RIMS2: variants seen among roughly 807,000 people sequenced by gnomAD.
The protein encoded by RIMS2 is regulating synaptic membrane exocytosis 2.
RIMS2 carries 59 observed loss-of-function variants against 174.4 expected under a neutral mutation model. That is an observed-to-expected ratio of 0.34 (90% confidence interval 0.27 to 0.42). RIMS2 has a LOEUF of 0.42. Ranked by LOEUF, RIMS2 falls within the 10% of genes least tolerant of loss-of-function variation. RIMS2 has a pLI of 1.00. For missense variants in RIMS2, 1,620 were observed against 1,666.3 expected (o/e 0.97, Z 0.48); for synonymous variants, 606 against 572.5 (o/e 1.06, Z -0.84).
At chr8:103,985,086 A>G (rs2094239657) in intron 16 of RIMS2, among the ~76,000 whole-genome samples, 1 of 152,214 alleles carries the variant, frequency 6.6e-6, no homozygotes, top group South Asian at 2.1e-4. Context: ...TAACGGGTAC[A>G]AATAATAGAA....
chr8:103,510,470 C>G (rs1303910649), intron 1 of RIMS2, among the ~76,000 whole-genome samples: 1 of 152,112 alleles, frequency 6.6e-6, no homozygotes, highest in African/African-American at 2.4e-5. Context: ...GCATTTCTTT[C>G]TAGAAACTAA....
At chr8:103,538,602 C>T (rs775436096) in intron 1 of RIMS2, among the ~76,000 whole-genome samples, 5 of 152,014 alleles carry the variant, frequency 3.3e-5, no homozygotes, top group African/African-American at 4.8e-5. Flanking sequence ...GTGCAAGCTC[C>T]GCCTCCTGGG....
At chr8:104,041,248 C>T in intron 19 of RIMS2, 78 bp from the exon 22 acceptor site, 2 of 551,940 alleles carry the variant, frequency 3.6e-6, no homozygotes, top group Non-Finnish European at 3.3e-6. Flanking sequence ...CCATCAGTGT[C>T]ACTTTTTACC....
chr8:103,553,625 C>T lies in RIMS2; in HGVS notation c.176+52563C>T, dbSNP rs575326419. ...AAATAATAATAAAATGGCCATACTG[C>T]CCAAAGCAATTTACAGATTCAGTGC... is the stretch of plus-strand genomic sequence containing the variant. On this transcript the variant is annotated intron_variant, in intron 1 of 23. Coordinates refer to ENST00000504942, the Ensembl canonical transcript of RIMS2. Among the ~76,000 whole-genome samples, 33 of 151,930 alleles carry T rather than the reference C, an allele frequency of 2.2e-4. No individual in the cohort carries two copies. In the South Asian group the frequency reaches 6.2e-3, roughly 29 times the overall value.
rs147074412 is a variant in RIMS2, at chr8:103,516,870, C to G, written c.176+15808C>G. Among the ~76,000 whole-genome samples the G allele has an allele frequency of 7.0e-3, 1,060 of 152,262 alleles. 3 individuals carry two copies. The highest frequency in any genetic ancestry group is 0.012 in the Non-Finnish European group (834 of 68,016). The stretch of plus-strand genomic sequence containing the variant: ...TCTACAAAGCCATATACACTCTACT[C>G]TCTAAAAGAATTTAAAAAATGGATA... On this transcript the variant is annotated intron_variant, in intron 1 of 23. Coordinates refer to ENST00000504942, the Ensembl canonical transcript of RIMS2.
intron 1 of RIMS2, among the ~76,000 whole-genome samples, chr8:103,571,417 A>G (rs534118456): frequency 1.3e-5 from 2 of 152,204 alleles, no homozygotes; most frequent in Admixed American, 6.5e-5. Flanking sequence ...ATGTTAATGG[A>G]GATGGAATAT....
At chr8:103,720,163 T>C (rs1439757077) in intron 2 of RIMS2, among the ~76,000 whole-genome samples, 1 of 152,184 alleles carries the variant, frequency 6.6e-6, no homozygotes, top group Non-Finnish European at 1.5e-5. Flanking sequence ...GCAGCTATGA[T>C]GTTCAGAGGA....
intron 1 of RIMS2, among the ~76,000 whole-genome samples, chr8:103,547,936 A>G (rs1024069356): frequency 1.3e-5 from 2 of 152,162 alleles, no homozygotes; most frequent in Non-Finnish European, 2.9e-5. Flanking sequence ...TTCTGGAAAC[A>G]TACCACCTGC....
At position 103,829,757 on chromosome 8, in the gene RIMS2, T is replaced by A. The variant is rs115334713; in HGVS notation, c.699-55541T>A. 6.2e-3 allele frequency among the ~76,000 whole-genome samples: 951 copies of A among 152,268 alleles called. 14 individuals are homozygous for A. The highest frequency in any genetic ancestry group is 0.022 in the African/African-American group (900 of 41,560). On this transcript the variant is annotated intron_variant, in intron 3 of 23. Coordinates refer to ENST00000504942, the Ensembl canonical transcript of RIMS2. ...CATGGAAAAACTACCTATCAGGTAC[T>A]ATGCTCATTACATGGGTGATGAAAT...
At position 104,221,619 on chromosome 8, in the gene RIMS2, G is replaced by A. The variant is rs182701187; in HGVS notation, c.3335-23297G>A. On this transcript the variant is annotated intron_variant, in intron 19 of 23. Transcript: ENST00000504942. ...ACGAAAAGAAAATTGGACTAACAGA[G>A]TTGTAGGGACATTAATGAGAAAGGA... Among the ~76,000 whole-genome samples the A allele has an allele frequency of 3.3e-5, 5 of 152,308 alleles. No homozygotes were observed. In the East Asian group the frequency reaches 9.6e-4, roughly 29 times the overall value.
At chr8:103,991,292 C>G (rs1044542967) in intron 17 of RIMS2, among the ~76,000 whole-genome samples, 11 of 151,388 alleles carry the variant, frequency 7.3e-5, no homozygotes, top group Non-Finnish European at 1.3e-4. Flanking sequence ...TAATTGTGAG[C>G]TGCCTTAAAT....
rs200638873 is a variant in RIMS2, at chr8:103,945,222, CAACATTACAGA to C, written c.2701+2300_2701+2310del. 9.1e-3 allele frequency among the ~76,000 whole-genome samples: 1,383 copies of C among 151,960 alleles called. 80 individuals carry two copies. The highest frequency in any genetic ancestry group is 0.083 in the Admixed American group (1,266 of 15,270). On this transcript the variant is annotated intron_variant, in intron 14 of 23. Coordinates refer to ENST00000504942, the Ensembl canonical transcript of RIMS2. ...AACAACTCTATGCCAAAAAGTTAAACAACATTACAGAAACTGATCCATAAAAAGCTAAAAAT... is the reference window on the plus strand; with the variant it reads ...AACAACTCTATGCCAAAAAGTTAAACAACTGATCCATAAAAAGCTAAAAAT...
At chr8:104,237,525 A>G in intron 19 of RIMS2, among the ~76,000 whole-genome samples, 1 of 152,126 alleles carries the variant, frequency 6.6e-6, no homozygotes. Context: ...GACCACACCT[A>G]ACTTCAGAGG....
chr8:104,041,076 C>G (rs1048840531), intron 19 of RIMS2, among the ~76,000 whole-genome samples: 1 of 151,654 alleles, frequency 6.6e-6, no homozygotes, highest in African/African-American at 2.4e-5. Flanking sequence ...ACTTCTGGAT[C>G]TTCTTTATTT....
At chr8:103,572,238 A>G (rs976927031) in intron 1 of RIMS2, among the ~76,000 whole-genome samples, 1 of 152,290 alleles carries the variant, frequency 6.6e-6, no homozygotes, top group South Asian at 2.1e-4. Context: ...AGTAAGATTT[A>G]TTGTGAAGAG....
intron 3 of RIMS2, among the ~76,000 whole-genome samples, chr8:103,869,329 G>T (rs1407977796): frequency 6.6e-6 from 1 of 151,930 alleles, no homozygotes; most frequent in Non-Finnish European, 1.5e-5. Flanking sequence ...CTGAGTAGCT[G>T]GGATTACAGG....
At chr8:104,172,937 G>A (rs2098840677) in intron 19 of RIMS2, among the ~76,000 whole-genome samples, 3 of 152,218 alleles carry the variant, frequency 2.0e-5, no homozygotes, top group Middle Eastern at 3.4e-3. Flanking sequence ...CTCTAGCTAC[G>A]TGAATTACAT....
chr8:103,660,067 C>T (rs2096579428), intron 1 of RIMS2, among the ~76,000 whole-genome samples: 2 of 152,214 alleles, frequency 1.3e-5, no homozygotes, highest in Admixed American at 6.5e-5. Context: ...TCCCTGGGCT[C>T]CATAGGTGCC....
At position 103,886,201 on chromosome 8, in the gene RIMS2, AAGTG is replaced by A; in HGVS notation, c.1605_1608del (p.Ser535ArgfsTer3). 6.2e-7 allele frequency: 1 copy of A among 1,611,272 alleles called. No homozygotes were observed. Among genetic ancestry groups the A allele is most frequent in the Non-Finnish European group, 8.5e-7 (1 of 1,178,488 alleles). Reference sequence around the variant, plus strand: ...CAAGTTGTGATGATGTTGAGATTGAAAGTGAGAGTGTAAGTGAAAAAGGTAAGCT... The same window carrying A: ...CAAGTTGTGATGATGTTGAGATTGAAAGAGTGTAAGTGAAAAAGGTAAGCT... On this transcript the variant is annotated frameshift_variant, in exon 4 of 24. Coordinates refer to ENST00000504942, the Ensembl canonical transcript of RIMS2. LOFTEE classifies it high-confidence loss of function.
Sources: gnomAD v4.1 joint callset for allele counts (sites outside exome capture counted in the v4.1 genomes callset) on GRCh38, gnomAD v4.1.1 for gene constraint, MANE v1.5 for transcripts, NCBI Gene and HGNC (gene_info 2026-07-23, HGNC 2026-07-21) for gene names.